RAI14: variants seen among roughly 807,000 people sequenced by gnomAD.
RAI14 encodes ankycorbin.
RAI14 carries 45 observed loss-of-function variants against 115.4 expected under a neutral mutation model. That is an observed-to-expected ratio of 0.39 (90% CI 0.31 to 0.50). RAI14 has a LOEUF of 0.50. Ranked by LOEUF, RAI14 falls within the 20% of genes least tolerant of loss-of-function variation. The probability of loss-of-function intolerance (pLI) is 0.85; values close to 1 mark genes in which losing one functional copy is unlikely to be tolerated. For synonymous variants in RAI14, 371 were observed against 415.4 expected (o/e 0.89, Z 1.30); for missense variants, 939 against 1,131.2 (o/e 0.83, Z 2.44).
At chr5:34,775,610 A>G (rs567607228) in intron 3 of RAI14, among the ~76,000 whole-genome samples, 2 of 152,274 alleles carry the variant, frequency 1.3e-5, no homozygotes, top group African/African-American at 4.8e-5. Context: ...CTGAACCGAC[A>G]CTTCCCAAAA....
At chr5:34,705,633 A>T (rs1190780695) in intron 2 of RAI14, among the ~76,000 whole-genome samples, 1 of 151,984 alleles carries the variant, frequency 6.6e-6, no homozygotes, top group Non-Finnish European at 1.5e-5. Flanking sequence ...ACAGATGTGT[A>T]ACCAGTTTCC....
chr5:34,809,714 C>T lies in RAI14; in HGVS notation c.450+1060C>T, dbSNP rs115228073. 4.3e-3 allele frequency among the ~76,000 whole-genome samples: 652 copies of T among 151,750 alleles called. 5 individuals carry two copies. The highest frequency in any genetic ancestry group is 0.017 in the Middle Eastern group (5 of 294). ...TATATAGGTATATTTATTTCTACGG[C>T]TATACATGTTTTCTACCATCAATGT... is the stretch of plus-strand genomic sequence containing the variant. On this transcript the variant is annotated intron_variant, in intron 7 of 17. Coordinates refer to ENST00000265109, the MANE Select transcript of RAI14 (RefSeq NM_015577.3).
At chr5:34,701,329 A>C (rs1034269515) in intron 2 of RAI14, among the ~76,000 whole-genome samples, 10 of 152,112 alleles carry the variant, frequency 6.6e-5, no homozygotes, top group African/African-American at 2.4e-4. Flanking sequence ...TTGTGGGGGG[A>C]AAATGTGCAT....
chr5:34,798,118 C>T (rs1753752126), intron 4 of RAI14, among the ~76,000 whole-genome samples: 1 of 152,180 alleles, frequency 6.6e-6, no homozygotes, highest in Non-Finnish European at 1.5e-5. Flanking sequence ...TCACTGCAAC[C>T]TCCGCATCCC....
At chr5:34,758,786 C>T (rs537747816) in intron 3 of RAI14, among the ~76,000 whole-genome samples, 4 of 152,326 alleles carry the variant, frequency 2.6e-5, no homozygotes, top group Non-Finnish European at 4.4e-5. Flanking sequence ...TGACTGCTCC[C>T]ACACTACAAA....
chr5:34,759,120 A>C (rs1748274673), intron 3 of RAI14, among the ~76,000 whole-genome samples: 1 of 152,142 alleles, frequency 6.6e-6, no homozygotes, highest in African/African-American at 2.4e-5. Flanking sequence ...AAAATTAGCC[A>C]GGTATGGTGG....
At chr5:34,772,380 T>C (rs1750277004) in intron 3 of RAI14, among the ~76,000 whole-genome samples, 1 of 152,222 alleles carries the variant, frequency 6.6e-6, no homozygotes, top group Non-Finnish European at 1.5e-5. Flanking sequence ...GCCATACTTT[T>C]AATGGCAGAA....
In RAI14 at chr5:34,824,378, G is replaced by T; in HGVS notation, c.2536G>T (p.Glu846Ter). The change falls in exon 15 of 18, where the codon GAG becomes TAG. Residue 846 changes from glutamate (E) to a stop codon, truncating the protein, a stop_gained. Coordinates refer to ENST00000265109, the MANE Select transcript of RAI14 (RefSeq NM_015577.3). LOFTEE classifies it high-confidence loss of function. The part of the protein sequence containing the change: ...ENIQTLLKSK[E>*]QEVNELLQKF... Reference sequence around the variant, plus strand: ...TATTCAGACTCTCTTGAAATCCAAAGAGCAAGAAGTAAATGAACTTCTGCA... The same window carrying T: ...TATTCAGACTCTCTTGAAATCCAAATAGCAAGAAGTAAATGAACTTCTGCA... 6.2e-7 allele frequency: 1 copy of T among 1,612,658 alleles called. No individual in the cohort carries two copies. Among genetic ancestry groups the T allele is most frequent in the South Asian group, 1.1e-5 (1 of 90,880 alleles).
chr5:34,805,222 A>G (rs1580320249), intron 5 of RAI14, among the ~76,000 whole-genome samples: 1 of 151,784 alleles, frequency 6.6e-6, no homozygotes. Flanking sequence ...AACCATTCAG[A>G]TTGTTCTTCT....
chr5:34,821,451 A>G (rs566740185), intron 13 of RAI14, among the ~76,000 whole-genome samples: 1 of 152,304 alleles, frequency 6.6e-6, no homozygotes, highest in East Asian at 1.9e-4. Context: ...AAGATATGAC[A>G]CTTAAGCAAA....
intron 4 of RAI14, among the ~76,000 whole-genome samples, chr5:34,798,040 G>T (rs1415891542): frequency 1.3e-5 from 2 of 151,818 alleles, no homozygotes; most frequent in African/African-American, 4.8e-5. Flanking sequence ...GTGTTTTTTT[G>T]TTTGTTTGTT....
intron 2 of RAI14, among the ~76,000 whole-genome samples, chr5:34,735,142 GA>G (rs1323542728): frequency 6.6e-6 from 1 of 152,214 alleles, no homozygotes; most frequent in Non-Finnish European, 1.5e-5. Context: ...TACTTGGTGA[GA>G]AAACTGGGCT....
At position 34,757,598 on chromosome 5, in the gene RAI14, C is replaced by T. The variant is rs770822671; in HGVS notation, c.167C>T (p.Ala56Val). The T allele has an allele frequency of 2.3e-5, 37 of 1,605,764 alleles. No individual in the cohort carries two copies. Among genetic ancestry groups the T allele is most frequent in the African/African-American group, 4.0e-5 (3 of 74,708 alleles). The change falls in exon 3 of 18, where the codon GCT (alanine) becomes GTT (valine). Residue 56 changes from alanine to valine, a missense_variant and splice_region_variant. By Grantham distance (64) the Ala-to-Val change is moderately conservative. Coordinates refer to ENST00000265109, the MANE Select transcript of RAI14 (RefSeq NM_015577.3). ...ATKHDSEGKTAFHLAAAKGHV... is the reference protein window; with the variant it reads ...ATKHDSEGKTVFHLAAAKGHV... The stretch of plus-strand genomic sequence containing the variant: ...AAACACGACAGTGAGGGCAAGACCG[C>T]GTAAGCTGAAACACTGGTTTGCAGA...
At chr5:34,768,034 C>G (rs1365513750) in intron 3 of RAI14, among the ~76,000 whole-genome samples, 1 of 152,032 alleles carries the variant, frequency 6.6e-6, no homozygotes, top group Non-Finnish European at 1.5e-5. Flanking sequence ...GATTCACCGA[C>G]AGTTTGCACC....
intron 2 of RAI14, among the ~76,000 whole-genome samples, chr5:34,698,910 G>A (rs928718293): frequency 6.6e-6 from 1 of 152,160 alleles, no homozygotes; most frequent in Non-Finnish European, 1.5e-5. Context: ...ATTTGAGTGT[G>A]CGTGGGGATG....
At chr5:34,677,993 G>A (rs1301941587) in intron 1 of RAI14, among the ~76,000 whole-genome samples, 2 of 152,158 alleles carry the variant, frequency 1.3e-5, no homozygotes, top group Admixed American at 1.3e-4. Context: ...CCGGCCTCCT[G>A]CATCTTCCTA....
intron 12 of RAI14, among the ~76,000 whole-genome samples, chr5:34,816,739 A>G (rs1417330578): frequency 2.0e-5 from 3 of 152,146 alleles, no homozygotes; most frequent in Non-Finnish European, 4.4e-5. Flanking sequence ...TTTAGACTTT[A>G]CTAATAAACT....
rs547344732 is a variant in RAI14 at position 34,767,773 on chromosome 5, A to T, written c.167+10175A>T. ...TTTGGTGGGTTTTGGTTTCCTACGT[A>T]CTTGTCTGATTTCTGTTATCAAATT... On this transcript the variant is annotated intron_variant, in intron 3 of 17. Coordinates refer to ENST00000265109, the MANE Select transcript of RAI14 (RefSeq NM_015577.3). 2.0e-5 allele frequency among the ~76,000 whole-genome samples: 3 copies of T among 151,808 alleles called. No individual in the cohort carries two copies. The South Asian group carries it at 6.3e-4, about 32-fold the overall frequency.
chr5:34,715,298 GTTGA>G (rs1305966746), intron 2 of RAI14, among the ~76,000 whole-genome samples: 1 of 152,140 alleles, frequency 6.6e-6, no homozygotes, highest in African/African-American at 2.4e-5. Flanking sequence ...TCGTGGGGGA[GTTGA>G]TTAAGTATGC....
Sources: allele counts gnomAD v4.1 joint callset (sites outside exome capture counted in the v4.1 genomes callset), GRCh38; gene constraint gnomAD v4.1.1; transcripts MANE v1.5; gene names NCBI Gene and HGNC (gene_info 2026-07-23, HGNC 2026-07-21).